Variants in GRXCR1 observed in about 807,000 individuals in gnomAD.
The protein encoded by GRXCR1 is glutaredoxin domain-containing cysteine-rich protein 1.
A neutral mutation model predicts 27.3 loss-of-function variants in GRXCR1; 27 were observed. That is an observed-to-expected ratio of 0.99 (90% CI 0.73 to 1.37). GRXCR1 has a LOEUF of 1.37. Ranked by LOEUF, GRXCR1 falls within the 40% of genes most tolerant of loss-of-function variation. The probability of loss-of-function intolerance (pLI) is 0.00; values close to 1 mark genes in which losing one functional copy is unlikely to be tolerated. For missense variants in GRXCR1, 379 were observed against 354.4 expected, an observed-to-expected ratio of 1.07 and a Z score of -0.56; for synonymous variants, 122 against 131.1, an observed-to-expected ratio of 0.93 and a Z score of 0.47.
chr4:43,000,786 A>G (rs995352768), intron 2 of GRXCR1, among the ~76,000 whole-genome samples: 2 of 152,096 alleles, frequency 1.3e-5, no homozygotes, highest in Non-Finnish European at 2.9e-5. Context: ...GCACTACTGT[A>G]TAAGCCTACT....
chr4:43,020,336 ACT>A lies in GRXCR1; in HGVS notation c.628-10_628-9del, dbSNP rs780171232. On this transcript the variant is annotated splice_polypyrimidine_tract_variant and intron_variant, in intron 2 of 3. Coordinates refer to ENST00000399770, the MANE Select transcript of GRXCR1 (RefSeq NM_001080476.3). ...CTAACAAAAATGGATTTTTCTCCCT[ACT>A]CTCTCTCGTTAATAGGGTGCTGAGA... 7.1e-6 allele frequency: 11 copies of A among 1,559,658 alleles called. No individual in the cohort carries two copies. The highest frequency in any genetic ancestry group is 9.7e-6 in the Non-Finnish European group (11 of 1,130,558).
intron 2 of GRXCR1, among the ~76,000 whole-genome samples, chr4:42,977,326 A>G (rs1224312253): frequency 6.6e-6 from 1 of 151,966 alleles, no homozygotes; most frequent in Non-Finnish European, 1.5e-5. Context: ...TTCTTTGGCT[A>G]TATACCCAGT....
intron 2 of GRXCR1, among the ~76,000 whole-genome samples, chr4:43,009,750 A>AC (rs111690189): frequency 0.033 from 4,953 of 150,936 alleles, 91 homozygotes; most frequent in African/African-American, 0.045. Flanking sequence ...TAACCTAATC[A>AC]CCCCCCCAAA....
At chr4:43,027,916 C>T (rs1347138522) in intron 3 of GRXCR1, among the ~76,000 whole-genome samples, 1 of 152,136 alleles carries the variant, frequency 6.6e-6, no homozygotes, top group Non-Finnish European at 1.5e-5. Flanking sequence ...TGTGACCAGC[C>T]TGACCAACAT....
intron 2 of GRXCR1, among the ~76,000 whole-genome samples, chr4:42,967,057 T>C (rs1748254451): frequency 6.6e-6 from 1 of 152,106 alleles, no homozygotes; most frequent in South Asian, 2.1e-4. Context: ...TGAAGTTCAC[T>C]TTGTCACCTT....
chr4:42,932,625 G>T (rs1238758119), intron 1 of GRXCR1, among the ~76,000 whole-genome samples: 958 of 36,064 alleles, frequency 0.027, 1 homozygote, highest in Non-Finnish European at 0.033. Context: ...TATATAGAGA[G>T]AGAGAGAGAG....
At chr4:43,005,869 ATGC>A (rs1301216228) in intron 2 of GRXCR1, among the ~76,000 whole-genome samples, 4 of 152,236 alleles carry the variant, frequency 2.6e-5, no homozygotes, top group Non-Finnish European at 5.9e-5. Flanking sequence ...ATCTGGTCCC[ATGC>A]TAGGCACCAG....
At chr4:43,003,807 C>T (rs1400619517) in intron 2 of GRXCR1, among the ~76,000 whole-genome samples, 2 of 152,120 alleles carry the variant, frequency 1.3e-5, no homozygotes, top group Non-Finnish European at 2.9e-5. Context: ...GAAATTGGAC[C>T]TTATGTTTAA....
chr4:42,940,250 C>T (rs926420449), intron 1 of GRXCR1, among the ~76,000 whole-genome samples: 5 of 152,074 alleles, frequency 3.3e-5, no homozygotes, highest in Admixed American at 1.3e-4. Context: ...TTGCCTCCAG[C>T]AGCTTATCAA....
At chr4:42,941,509 A>T (rs565776651) in intron 1 of GRXCR1, among the ~76,000 whole-genome samples, 9 of 152,154 alleles carry the variant, frequency 5.9e-5, no homozygotes, top group Non-Finnish European at 1.0e-4. Context: ...GGCTTCCGAC[A>T]TCTGCTTCCC....
chr4:42,934,180 A>G (rs10026293), intron 1 of GRXCR1, among the ~76,000 whole-genome samples: 25,049 of 151,424 alleles, frequency 0.17, 2,190 homozygotes, highest in African/African-American at 0.2. Context: ...AACTGAAAAC[A>G]TAAGTTTTGT....
intron 2 of GRXCR1, among the ~76,000 whole-genome samples, chr4:42,968,102 A>G (rs561760724): frequency 1.3e-5 from 2 of 152,016 alleles, no homozygotes; most frequent in African/African-American, 4.8e-5. Context: ...GAAGCTCTTT[A>G]CTCTCTAAAA....
At chr4:42,986,357 T>A (rs6838023) in intron 2 of GRXCR1, among the ~76,000 whole-genome samples, 72,282 of 152,020 alleles carry the variant, frequency 0.48, 18,501 homozygotes, top group African/African-American at 0.68. Flanking sequence ...CCTATGTCTG[T>A]CTTGCAGGAA....
At chr4:43,006,769 C>T (rs1464055696) in intron 2 of GRXCR1, among the ~76,000 whole-genome samples, 2 of 152,182 alleles carry the variant, frequency 1.3e-5, no homozygotes, top group East Asian at 1.9e-4. Context: ...TGACCCACAC[C>T]TATTCACACA....
rs190965760 is a variant in GRXCR1 at position 43,030,627 on chromosome 4, A to G, written c.*87A>G. ...TATATATTTTTAAATGGTTATGTTT[A>G]TGGATTAATCAATAAACTTTGTTTA... is the stretch of plus-strand genomic sequence containing the variant. On this transcript the variant is annotated 3_prime_UTR_variant, in exon 4 of 4. Coordinates refer to ENST00000399770, the MANE Select transcript of GRXCR1 (RefSeq NM_001080476.3). The G allele has an allele frequency of 4.6e-5, 49 of 1,063,182 alleles. No individual in the cohort carries two copies. In the East Asian group the frequency reaches 1.2e-3, roughly 26 times the overall value. 65.9% of individuals were successfully genotyped at this position (1,063,182 alleles called of 1,614,324 possible).
intron 1 of GRXCR1, among the ~76,000 whole-genome samples, chr4:42,954,617 A>G (rs986509592): frequency 6.6e-6 from 1 of 152,188 alleles, no homozygotes; most frequent in African/African-American, 2.4e-5. Flanking sequence ...TGCAGTCTCT[A>G]GAACTGCATA....
chr4:43,005,928 G>T (rs747316768), intron 2 of GRXCR1, among the ~76,000 whole-genome samples: 30 of 152,214 alleles, frequency 2.0e-4, no homozygotes, highest in Non-Finnish European at 3.8e-4. Flanking sequence ...GATATTGCGG[G>T]AAGTCAGGGA....
At chr4:42,980,317 G>A (rs189501011) in intron 2 of GRXCR1, among the ~76,000 whole-genome samples, 24 of 151,904 alleles carry the variant, frequency 1.6e-4, no homozygotes, top group East Asian at 5.8e-4. Flanking sequence ...GCTGTATTCC[G>A]TTAAGTTTTG....
chr4:42,933,157 A>T (rs1382818094), intron 1 of GRXCR1, among the ~76,000 whole-genome samples: 3 of 151,974 alleles, frequency 2.0e-5, no homozygotes, highest in Non-Finnish European at 4.4e-5. Context: ...ATCAGGACAC[A>T]TCCCATGTCT....
Sources: allele counts gnomAD v4.1 joint callset (sites outside exome capture counted in the v4.1 genomes callset), GRCh38; gene constraint gnomAD v4.1.1; transcripts MANE v1.5; gene names NCBI Gene and HGNC (gene_info 2026-07-23, HGNC 2026-07-21).